The following GRID1 variants were observed in gnomAD, a reference collection of about 807,000 sequenced individuals.
GRID1 encodes glutamate receptor ionotropic, delta-1.
In GRID1, 28 loss-of-function variants were observed where a neutral mutation model predicts 98.0. The observed-to-expected ratio is 0.29, with a 90% CI of 0.21 to 0.39. The LOEUF (loss-of-function observed/expected upper bound fraction) is 0.39. Among genes scored for constraint, GRID1 ranks in the 10% least tolerant of loss-of-function variants. GRID1 has a pLI of 1.00. For synonymous variants in GRID1, 553 were observed against 538.5 expected (o/e 1.03, Z -0.37); for missense variants, 1,111 against 1,340.5 (o/e 0.83, Z 2.67).
intron 5 of GRID1, among the ~76,000 whole-genome samples, chr10:85,882,723 G>C (rs1841051527): frequency 6.6e-6 from 1 of 152,134 alleles, no homozygotes; most frequent in Non-Finnish European, 1.5e-5. Flanking sequence ...GTATACATAT[G>C]TAACAAACGT....
intron 2 of GRID1, among the ~76,000 whole-genome samples, chr10:86,330,448 C>T (rs903920862): frequency 6.6e-6 from 1 of 152,182 alleles, no homozygotes; most frequent in South Asian, 2.1e-4. Context: ...TCCAGCAAGC[C>T]CACCCACAGC....
chr10:85,908,645 T>A (rs1841494528), intron 5 of GRID1, among the ~76,000 whole-genome samples: 2 of 152,172 alleles, frequency 1.3e-5, no homozygotes. Flanking sequence ...CAATCCCAAA[T>A]AAAATCCCAG....
intron 3 of GRID1, among the ~76,000 whole-genome samples, chr10:86,188,171 C>G (rs751734277): frequency 6.6e-6 from 1 of 152,240 alleles, no homozygotes; most frequent in Non-Finnish European, 1.5e-5. Context: ...TTCTTCATTG[C>G]ACAGATGGAA....
intron 4 of GRID1, among the ~76,000 whole-genome samples, chr10:86,121,323 C>T (rs971999013): frequency 8.7e-5 from 13 of 149,914 alleles, no homozygotes; most frequent in Admixed American, 8.6e-4. Flanking sequence ...ATCATCACCA[C>T]ATCACCATCA....
intron 15 of GRID1, among the ~76,000 whole-genome samples, chr10:85,608,787 T>C (rs944284681): frequency 7.2e-5 from 11 of 152,162 alleles, no homozygotes; most frequent in African/African-American, 2.7e-4. Context: ...CCAAGTGATC[T>C]GGTTTTGAGA....
chr10:85,873,988 C>T (rs1426983722), intron 5 of GRID1, among the ~76,000 whole-genome samples: 1 of 152,176 alleles, frequency 6.6e-6, no homozygotes, highest in Non-Finnish European at 1.5e-5. Flanking sequence ...AAGCTGTGCA[C>T]AATCACATTG....
chr10:86,092,606 G>T (rs977509998), intron 4 of GRID1, among the ~76,000 whole-genome samples: 2 of 152,132 alleles, frequency 1.3e-5, no homozygotes, highest in Non-Finnish European at 2.9e-5. Flanking sequence ...GACAAAACAA[G>T]CTTTAAAGCA....
chr10:86,016,127 T>C lies in GRID1; in HGVS notation c.727-99888A>G, dbSNP rs141642000. Among the ~76,000 whole-genome samples the C allele has an allele frequency of 1.6e-3, 239 of 150,362 alleles. 3 individuals are homozygous for C. The East Asian group carries it at 0.04, about 25-fold the overall frequency. On this transcript the variant is annotated intron_variant, in intron 4 of 15. Transcript: ENST00000327946. ...AAGAGGCTGAGTTAAATAGTCAGAC[T>C]GACCCCAAAGAGCACCATCTTTTTT...
At chr10:85,877,152 C>T (rs1228499793) in intron 5 of GRID1, among the ~76,000 whole-genome samples, 1 of 152,240 alleles carries the variant, frequency 6.6e-6, no homozygotes. Flanking sequence ...GGCCTGCCTG[C>T]CTCTGTAGGC....
intron 8 of GRID1, among the ~76,000 whole-genome samples, chr10:85,815,959 T>C (rs1842712537): frequency 6.6e-6 from 1 of 152,002 alleles, no homozygotes; most frequent in Non-Finnish European, 1.5e-5. Context: ...AATTAGGTAC[T>C]ACTATATATT....
intron 8 of GRID1, among the ~76,000 whole-genome samples, chr10:85,797,392 G>A (rs1315663739): frequency 6.6e-6 from 1 of 151,780 alleles, no homozygotes; most frequent in African/African-American, 2.4e-5. Flanking sequence ...AGTCCACAGT[G>A]TCTATTATTT....
chr10:85,976,848 T>C (rs752022165), intron 4 of GRID1, among the ~76,000 whole-genome samples: 4 of 152,214 alleles, frequency 2.6e-5, no homozygotes, highest in Non-Finnish European at 4.4e-5. Context: ...AGGAGTGCTG[T>C]GTTTCTAAGG....
At chr10:86,153,809 G>T (rs1845204202) in intron 3 of GRID1, among the ~76,000 whole-genome samples, 1 of 151,936 alleles carries the variant, frequency 6.6e-6, no homozygotes, top group Non-Finnish European at 1.5e-5. Context: ...GCCTAATGGG[G>T]CTGCCTACCC....
chr10:85,811,608 A>T (rs1028334532), intron 8 of GRID1, among the ~76,000 whole-genome samples: 1 of 152,156 alleles, frequency 6.6e-6, no homozygotes, highest in Non-Finnish European at 1.5e-5. Context: ...ACCAAGCAAA[A>T]GAAAGAATTT....
intron 4 of GRID1, among the ~76,000 whole-genome samples, chr10:86,136,706 C>T (rs181902140): frequency 4.1e-4 from 62 of 152,296 alleles, no homozygotes; most frequent in Middle Eastern, 6.8e-3. Context: ...CTGAAGACTA[C>T]GGTGGGAGCT....
chr10:85,713,881 A>G (rs1841609012), intron 12 of GRID1, among the ~76,000 whole-genome samples: 1 of 152,016 alleles, frequency 6.6e-6, no homozygotes, highest in Admixed American at 6.5e-5. Flanking sequence ...TATGAAGCCT[A>G]TGGCTAACAT....
intron 8 of GRID1, among the ~76,000 whole-genome samples, chr10:85,844,258 T>C (rs1842986077): frequency 6.6e-6 from 1 of 152,030 alleles, no homozygotes; most frequent in Admixed American, 6.6e-5. Flanking sequence ...ATTATGGTTA[T>C]CAGGAGGTAG....
chr10:86,180,873 C>T (rs1845645532), intron 3 of GRID1, among the ~76,000 whole-genome samples: 1 of 152,188 alleles, frequency 6.6e-6, no homozygotes, highest in Admixed American at 6.5e-5. Context: ...CAGTGCCAGA[C>T]CAGAGAGGCC....
At chr10:85,604,053 T>A (rs1259397987) in intron 15 of GRID1, among the ~76,000 whole-genome samples, 1 of 152,146 alleles carries the variant, frequency 6.6e-6, no homozygotes, top group African/African-American at 2.4e-5. Context: ...AACTGAATGA[T>A]AGGCATGAGC....
Sources: gnomAD v4.1 joint callset for allele counts (sites outside exome capture counted in the v4.1 genomes callset) on GRCh38, gnomAD v4.1.1 for gene constraint, MANE v1.5 for transcripts, NCBI Gene and HGNC (gene_info 2026-07-23, HGNC 2026-07-21) for gene names.